The following MACROD2 variants were observed in gnomAD, a reference collection of about 807,000 sequenced individuals.
MACROD2 encodes the protein mono-ADP ribosylhydrolase 2.
MACROD2 carries 36 observed loss-of-function variants against 70.4 expected under a neutral mutation model. That is an observed-to-expected ratio of 0.51 (90% CI 0.39 to 0.68). The LOEUF is 0.68. MACROD2 is among the 30% of genes least tolerant of loss of function. The pLI is 0.00. For missense variants in MACROD2, 496 were observed against 538.4 expected (o/e 0.92, Z 0.78); for synonymous variants, 172 against 178.8 (o/e 0.96, Z 0.30).
intron 5 of MACROD2, among the ~76,000 whole-genome samples, chr20:14,723,262 G>A (rs1190124849): frequency 6.6e-6 from 1 of 152,062 alleles, no homozygotes; most frequent in Non-Finnish European, 1.5e-5. Context: ...CTCATCAGGA[G>A]CATGATTCAG....
chr20:14,355,383 C>A (rs1279504504), intron 3 of MACROD2, among the ~76,000 whole-genome samples: 2 of 151,960 alleles, frequency 1.3e-5, no homozygotes, highest in African/African-American at 2.4e-5. Context: ...TTGCAAAGAC[C>A]CCACTAATCC....
intron 5 of MACROD2, among the ~76,000 whole-genome samples, chr20:14,703,401 C>T (rs1053075945): frequency 1.4e-4 from 21 of 152,162 alleles, no homozygotes; most frequent in Admixed American, 1.0e-3. Context: ...ATAAATTACA[C>T]TGCTAACAGA....
intron 8 of MACROD2, among the ~76,000 whole-genome samples, chr20:15,729,515 A>C (rs2050912782): frequency 6.6e-6 from 1 of 152,042 alleles, no homozygotes; most frequent in East Asian, 1.9e-4. Flanking sequence ...TTGTGTGGTT[A>C]TCTACGTCTC....
At chr20:14,788,007 C>A (rs549238611) in intron 5 of MACROD2, among the ~76,000 whole-genome samples, 1 of 152,026 alleles carries the variant, frequency 6.6e-6, no homozygotes, top group Admixed American at 6.6e-5. Context: ...TTTAGTCCAG[C>A]CCATTCTCTG....
At chr20:15,735,872 T>G (rs6043498) in intron 8 of MACROD2, among the ~76,000 whole-genome samples, 137,038 of 152,190 alleles carry the variant, frequency 0.9, 61,880 homozygotes, top group Middle Eastern at 0.94. Context: ...AGATCTTCTC[T>G]TGATCCCCAA....
At chr20:14,319,228 A>T (rs1268973848) in intron 3 of MACROD2, among the ~76,000 whole-genome samples, 2 of 151,778 alleles carry the variant, frequency 1.3e-5, no homozygotes, top group South Asian at 4.2e-4. Context: ...AACTCATTCC[A>T]TCTCTCTCAG....
intron 6 of MACROD2, among the ~76,000 whole-genome samples, chr20:15,387,178 A>G (rs2045725103): frequency 6.6e-6 from 1 of 152,212 alleles, no homozygotes; most frequent in South Asian, 2.1e-4. Flanking sequence ...ATATCTCATA[A>G]AAAGGTTATT....
chr20:15,984,640 C>G (rs562495071), intron 13 of MACROD2, among the ~76,000 whole-genome samples: 14 of 149,026 alleles, frequency 9.4e-5, no homozygotes, highest in African/African-American at 2.2e-4. Context: ...CTCCCCCCCC[C>G]GCCCTTCTCT....
intron 3 of MACROD2, among the ~76,000 whole-genome samples, chr20:14,290,954 T>C (rs1224874579): frequency 6.6e-6 from 1 of 152,238 alleles, no homozygotes; most frequent in African/African-American, 2.4e-5. Flanking sequence ...TAAAAGTCTT[T>C]CCAAAAAATC....
chr20:14,007,654 T>C (rs937730838), intron 2 of MACROD2, among the ~76,000 whole-genome samples: 10 of 152,216 alleles, frequency 6.6e-5, no homozygotes, highest in African/African-American at 2.4e-4. Flanking sequence ...TTCTAGTTCT[T>C]GGGTTTAATA....
intron 8 of MACROD2, among the ~76,000 whole-genome samples, chr20:15,852,116 G>A (rs2064306211): frequency 6.6e-6 from 1 of 152,140 alleles, no homozygotes; most frequent in Non-Finnish European, 1.5e-5. Flanking sequence ...CTAAACATAT[G>A]GAGCAGCTTC....
intron 3 of MACROD2, chr20:14,327,368 G>A (rs1232057971): frequency 6.2e-7 from 1 of 1,613,662 alleles, no homozygotes; most frequent in Non-Finnish European, 8.5e-7. Flanking sequence ...GTCAGAAAGC[G>A]ATCATTACAG....
chr20:14,220,262 A>G (rs928724805), intron 3 of MACROD2, among the ~76,000 whole-genome samples: 2 of 151,684 alleles, frequency 1.3e-5, no homozygotes, highest in African/African-American at 2.4e-5. Context: ...TTTACCTAGG[A>G]GGATTATGGC....
In MACROD2 at chr20:16,041,334, T is replaced by A; in HGVS notation, c.1231+56T>A. On this transcript the variant is annotated intron_variant, in intron 16 of 17. Coordinates refer to ENST00000684519, the MANE Select transcript of MACROD2 (RefSeq NM_001351661.2). ...AACTACAAATCTGGCATATTTTCTA[T>A]GTGTAATCTAGGATTAAGGGAACTA... 4 of 1,398,752 alleles carry A rather than the reference T, an allele frequency of 2.9e-6. No individual in the cohort carries two copies. The South Asian group carries it at 3.7e-5, about 13-fold the overall frequency. The allele number at this position is 1,398,752 out of a possible 1,614,324, so 86.6% of individuals were successfully genotyped here.
At chr20:15,229,533 G>A (rs2076941576) in intron 5 of MACROD2, among the ~76,000 whole-genome samples, 1 of 152,144 alleles carries the variant, frequency 6.6e-6, no homozygotes. Context: ...AGCTAGGCTA[G>A]CACTGGCTCT....
At chr20:14,610,704 G>A (rs1805613206) in intron 4 of MACROD2, among the ~76,000 whole-genome samples, 1 of 151,990 alleles carries the variant, frequency 6.6e-6, no homozygotes. Flanking sequence ...GTAAAGCCTA[G>A]CATTGTATGA....
chr20:15,029,266 T>G (rs2075256508), intron 5 of MACROD2, among the ~76,000 whole-genome samples: 1 of 152,180 alleles, frequency 6.6e-6, no homozygotes, highest in South Asian at 2.1e-4. Context: ...CCTCCAGGAA[T>G]CCCTTCCTAA....
chr20:15,159,163 T>C (rs1216574221), intron 5 of MACROD2, among the ~76,000 whole-genome samples: 1 of 152,142 alleles, frequency 6.6e-6, no homozygotes, highest in East Asian at 1.9e-4. Flanking sequence ...AAAAAAATTC[T>C]TTTCTAGAAT....
At position 15,059,312 on chromosome 20, in the gene MACROD2, G is replaced by A. The variant is rs527644182; in HGVS notation, c.419-170628G>A. On this transcript the variant is annotated intron_variant, in intron 5 of 17. Transcript: ENST00000684519. ...AGGCATGAGAATAGCTTGAGCCCAGGAGGTGGAGGCTGCAGTGAACCGAGA... is the reference window on the plus strand; with the variant it reads ...AGGCATGAGAATAGCTTGAGCCCAGAAGGTGGAGGCTGCAGTGAACCGAGA... Among the ~76,000 whole-genome samples the A allele has an allele frequency of 7.3e-5, 11 of 151,428 alleles. No individual in the cohort carries two copies. In the East Asian group the frequency reaches 2.2e-3, roughly 30 times the overall value.
Sources: gnomAD v4.1 joint callset for allele counts (sites outside exome capture counted in the v4.1 genomes callset) on GRCh38, gnomAD v4.1.1 for gene constraint, MANE v1.5 for transcripts, NCBI Gene and HGNC (gene_info 2026-07-23, HGNC 2026-07-21) for gene names.